The following ZFPM2 variants were observed in gnomAD, a reference collection of about 807,000 sequenced individuals.
ZFPM2 encodes the protein zinc finger protein, FOG family member 2.
In ZFPM2, 20 loss-of-function variants were observed where a neutral mutation model predicts 98.6. The ratio of observed to expected loss-of-function variants is 0.20; its 90% CI spans 0.14 to 0.29. The LOEUF (loss-of-function observed/expected upper bound fraction) is 0.29. Among genes scored for constraint, ZFPM2 ranks in the 10% least tolerant of loss-of-function variants. The pLI is 1.00. For synonymous variants in ZFPM2, 518 were observed against 502.7 expected (o/e 1.03, Z -0.41); for missense variants, 1,310 against 1,388.6 (o/e 0.94, Z 0.90).
At chr8:105,653,211 C>A (rs11985933) in intron 5 of ZFPM2, among the ~76,000 whole-genome samples, 72,594 of 151,862 alleles carry the variant, frequency 0.48, 17,644 homozygotes, top group African/African-American at 0.57. Context: ...GTTTAAGTTA[C>A]CTATCTCAGG....
chr8:105,708,584 C>G (rs1759389646), intron 5 of ZFPM2, among the ~76,000 whole-genome samples: 1 of 151,946 alleles, frequency 6.6e-6, no homozygotes, highest in Admixed American at 6.6e-5. Flanking sequence ...TGTGCACCAT[C>G]CTGCCCACCT....
At chr8:105,682,098 A>G (rs1182303601) in intron 5 of ZFPM2, among the ~76,000 whole-genome samples, 2 of 152,242 alleles carry the variant, frequency 1.3e-5, no homozygotes, top group Non-Finnish European at 2.9e-5. Context: ...TTGAAATTAT[A>G]AGGGAATAAT....
chr8:105,396,846 C>T (rs1206285234), intron 1 of ZFPM2, among the ~76,000 whole-genome samples: 1 of 152,022 alleles, frequency 6.6e-6, no homozygotes, highest in African/African-American at 2.4e-5. Flanking sequence ...TGAGCTTGTT[C>T]ATATGATATA....
chr8:105,438,428 A>G (rs1490509061), intron 2 of ZFPM2, among the ~76,000 whole-genome samples: 1 of 152,234 alleles, frequency 6.6e-6, no homozygotes, highest in Non-Finnish European at 1.5e-5. Flanking sequence ...ACTTCTGTTT[A>G]ACAGAGGTGA....
At chr8:105,330,982 T>C (rs75318939) in intron 1 of ZFPM2, among the ~76,000 whole-genome samples, 2,317 of 151,288 alleles carry the variant, frequency 0.015, 65 homozygotes, top group African/African-American at 0.053. Context: ...TGTGTGTATC[T>C]GTGAACAACT....
intron 3 of ZFPM2, among the ~76,000 whole-genome samples, chr8:105,549,872 C>G (rs1369368713): frequency 6.6e-6 from 1 of 151,906 alleles, no homozygotes; most frequent in African/African-American, 2.4e-5. Context: ...CCTTGGCCTC[C>G]CAAAGCACTG....
At chr8:105,659,541 G>A (rs1817349211) in intron 5 of ZFPM2, among the ~76,000 whole-genome samples, 1 of 152,178 alleles carries the variant, frequency 6.6e-6, no homozygotes, top group African/African-American at 2.4e-5. Context: ...AGTGAGAGGG[G>A]TGGCATAAAA....
intron 5 of ZFPM2, among the ~76,000 whole-genome samples, chr8:105,765,191 T>C (rs947918744): frequency 1.3e-5 from 2 of 151,854 alleles, no homozygotes; most frequent in African/African-American, 4.8e-5. Context: ...GTACTTATCA[T>C]TTGGGGGTTC....
chr8:105,623,136 C>T (rs555657122), intron 4 of ZFPM2, among the ~76,000 whole-genome samples: 2 of 152,294 alleles, frequency 1.3e-5, no homozygotes, highest in Admixed American at 6.5e-5. Flanking sequence ...CACTTCCACA[C>T]TTTTGCCAAC....
intron 5 of ZFPM2, among the ~76,000 whole-genome samples, chr8:105,710,919 A>G (rs1811377561): frequency 6.6e-6 from 1 of 152,042 alleles, no homozygotes; most frequent in Non-Finnish European, 1.5e-5. Context: ...GGAGTGAGTT[A>G]TTGTGATGTT....
rs138229460 is a variant in ZFPM2 at position 105,355,327 on chromosome 8, G to T, written c.40+36346G>T. Among the ~76,000 whole-genome samples the T allele has an allele frequency of 9.1e-3, 1,382 of 152,200 alleles. 17 individuals carry two copies. Among genetic ancestry groups the T allele is most frequent in the African/African-American group, 0.032 (1,317 of 41,526 alleles). On this transcript the variant is annotated intron_variant, in intron 1 of 7. Coordinates refer to ENST00000407775, the MANE Select transcript of ZFPM2 (RefSeq NM_012082.4). ...TATTCTCCTGTCATACTATGCTAAG[G>T]AGTTTTGCACTGAAAATTCTTCAGA...
chr8:105,776,951 A>G (rs1469321417), intron 5 of ZFPM2, among the ~76,000 whole-genome samples: 2 of 152,228 alleles, frequency 1.3e-5, no homozygotes, highest in Non-Finnish European at 2.9e-5. Flanking sequence ...CTCTTAGTCC[A>G]GAAGTATGGC....
At chr8:105,385,361 T>C (rs186417507) in intron 1 of ZFPM2, among the ~76,000 whole-genome samples, 1 of 152,242 alleles carries the variant, frequency 6.6e-6, no homozygotes, top group Non-Finnish European at 1.5e-5. Flanking sequence ...TGGGCTTCTC[T>C]TGAGCAACTA....
At chr8:105,711,769 G>A (rs918123999) in intron 5 of ZFPM2, among the ~76,000 whole-genome samples, 1 of 151,936 alleles carries the variant, frequency 6.6e-6, no homozygotes, top group Non-Finnish European at 1.5e-5. Context: ...AGACCAGATG[G>A]AGTTTTAGGT....
intron 1 of ZFPM2, among the ~76,000 whole-genome samples, chr8:105,393,337 C>CTGTCTGTCTTTCTTTCTTT (rs1554600680): frequency 6.0e-4 from 69 of 114,842 alleles, no homozygotes; most frequent in African/African-American, 2.2e-3. Flanking sequence ...TCTCTCTTTG[C>CTGTCTGTCTTTCTTTCTTT]CTTTCTTTCT....
intron 3 of ZFPM2, among the ~76,000 whole-genome samples, chr8:105,520,195 C>A (rs952482856): frequency 4.0e-5 from 6 of 151,736 alleles, no homozygotes; most frequent in African/African-American, 1.5e-4. Context: ...TTAAGGCAAA[C>A]ATTTTCAAGT....
chr8:105,563,332 T>C (rs933303618), intron 4 of ZFPM2, among the ~76,000 whole-genome samples: 4 of 152,194 alleles, frequency 2.6e-5, no homozygotes, highest in Non-Finnish European at 5.9e-5. Flanking sequence ...ATAGGAAATA[T>C]TTGTGTTACC....
chr8:105,463,780 A>C (rs2130313066), intron 3 of ZFPM2, among the ~76,000 whole-genome samples: 1 of 152,156 alleles, frequency 6.6e-6, no homozygotes, highest in East Asian at 1.9e-4. Flanking sequence ...AGATAATCTT[A>C]TCTCTTCTAC....
At chr8:105,360,650 A>C (rs1486192137) in intron 1 of ZFPM2, among the ~76,000 whole-genome samples, 1 of 129,052 alleles carries the variant, frequency 7.7e-6, no homozygotes. Context: ...CAGTCCCCAG[A>C]GTGTGATGTT....
Sources: gnomAD v4.1 joint callset for allele counts (sites outside exome capture counted in the v4.1 genomes callset) on GRCh38, gnomAD v4.1.1 for gene constraint, MANE v1.5 for transcripts, NCBI Gene and HGNC (gene_info 2026-07-23, HGNC 2026-07-21) for gene names.